RBFOX1: variants seen among roughly 807,000 people sequenced by gnomAD.
RBFOX1 encodes RNA binding fox-1 homolog 1, also known as RNA binding protein fox-1 homolog 1.
In RBFOX1, 8 loss-of-function variants were observed where a neutral mutation model predicts 57.7. The observed-to-expected ratio is 0.14, with a 90% confidence interval of 0.08 to 0.25. The LOEUF is 0.25. Among genes scored for constraint, RBFOX1 ranks in the 10% least tolerant of loss-of-function variants. RBFOX1 has a pLI of 1.00. For synonymous variants in RBFOX1, 326 were observed against 222.4 expected (o/e 1.47, Z -4.15); for missense variants, 611 against 548.5 (o/e 1.11, Z -1.14).
chr16:6,400,022 A>G (rs2093004838), intron 2 of RBFOX1, among the ~76,000 whole-genome samples: 1 of 152,208 alleles, frequency 6.6e-6, no homozygotes, highest in Non-Finnish European at 1.5e-5. Flanking sequence ...TGTGAGGATT[A>G]TGAGAACTGC....
At chr16:5,484,604 C>T (rs2069660560) in intron 2 of RBFOX1, among the ~76,000 whole-genome samples, 1 of 152,138 alleles carries the variant, frequency 6.6e-6, no homozygotes, top group African/African-American at 2.4e-5. Flanking sequence ...ATAGCGAGAC[C>T]TTGTCTGTAC....
intron 4 of RBFOX1, among the ~76,000 whole-genome samples, chr16:7,144,417 C>CTTCTTCTT (rs3046798): frequency 0.043 from 2,890 of 66,992 alleles, 350 homozygotes; most frequent in African/African-American, 0.17. Flanking sequence ...TTTCTTTCTT[C>CTTCTTCTT]TTTTTTTTTT....
At chr16:7,108,036 G>T (rs535894290) in intron 4 of RBFOX1, among the ~76,000 whole-genome samples, 19 of 152,084 alleles carry the variant, frequency 1.2e-4, no homozygotes, top group Non-Finnish European at 2.8e-4. Context: ...GGAGAGGGTA[G>T]AGAGGTGAAA....
chr16:6,493,230 A>G (rs973562003), intron 2 of RBFOX1, among the ~76,000 whole-genome samples: 1 of 152,126 alleles, frequency 6.6e-6, no homozygotes, highest in Non-Finnish European at 1.5e-5. Context: ...AAAACTGAAA[A>G]TCATTGGATT....
At chr16:6,505,554 T>C (rs963701392) in intron 2 of RBFOX1, among the ~76,000 whole-genome samples, 1 of 152,184 alleles carries the variant, frequency 6.6e-6, no homozygotes, top group Non-Finnish European at 1.5e-5. Context: ...CTAGTACAGC[T>C]AGACAGAGAT....
chr16:6,439,849 A>G (rs1367402218), intron 2 of RBFOX1, among the ~76,000 whole-genome samples: 7 of 152,188 alleles, frequency 4.6e-5, no homozygotes, highest in African/African-American at 1.7e-4. Context: ...GATGCAGCTC[A>G]GATGGGATGC....
At chr16:7,003,288 C>T (rs937382291) in intron 3 of RBFOX1, among the ~76,000 whole-genome samples, 9 of 151,690 alleles carry the variant, frequency 5.9e-5, no homozygotes, top group East Asian at 1.9e-4. Flanking sequence ...GTGAAACCCC[C>T]GTCTCTACTA....
At chr16:6,785,469 A>C (rs1283906803) in intron 3 of RBFOX1, among the ~76,000 whole-genome samples, 1 of 152,162 alleles carries the variant, frequency 6.6e-6, no homozygotes, top group Admixed American at 6.6e-5. Flanking sequence ...GACAATTGGC[A>C]ATAAAAGCCA....
chr16:5,740,375 G>T (rs1256218577), intron 3 of RBFOX1, among the ~76,000 whole-genome samples: 1 of 152,234 alleles, frequency 6.6e-6, no homozygotes, highest in Non-Finnish European at 1.5e-5. Flanking sequence ...GCTGGCCACA[G>T]TCCCAGCAAC....
intron 4 of RBFOX1, among the ~76,000 whole-genome samples, chr16:5,959,514 G>A (rs1020175892): frequency 6.6e-6 from 1 of 152,020 alleles, no homozygotes; most frequent in Non-Finnish European, 1.5e-5. Flanking sequence ...TGAGTGCATG[G>A]GGTAAGAAAA....
At chr16:6,759,314 C>T (rs989683321) in intron 3 of RBFOX1, among the ~76,000 whole-genome samples, 7 of 152,042 alleles carry the variant, frequency 4.6e-5, no homozygotes, top group Non-Finnish European at 7.4e-5. Context: ...CCACAGCTGG[C>T]TAATTTTTGT....
chr16:6,393,550 C>G (rs1352982460), intron 2 of RBFOX1, among the ~76,000 whole-genome samples: 5 of 152,128 alleles, frequency 3.3e-5, no homozygotes, highest in Non-Finnish European at 5.9e-5. Context: ...CTTGAAGACC[C>G]CCCACATGCC....
At chr16:6,216,303 C>G (rs1180583121) in intron 1 of RBFOX1, among the ~76,000 whole-genome samples, 1 of 152,120 alleles carries the variant, frequency 6.6e-6, no homozygotes, top group Non-Finnish European at 1.5e-5. Context: ...AAACCCCATA[C>G]AGATTTTAAC....
At chr16:6,456,790 A>G (rs1304435690) in intron 2 of RBFOX1, among the ~76,000 whole-genome samples, 2 of 152,182 alleles carry the variant, frequency 1.3e-5, no homozygotes, top group African/African-American at 4.8e-5. Flanking sequence ...TCAATTGTAC[A>G]TGAAGAATGA....
chr16:6,465,338 G>C (rs1375965498), intron 2 of RBFOX1, among the ~76,000 whole-genome samples: 2 of 152,178 alleles, frequency 1.3e-5, no homozygotes, highest in Non-Finnish European at 2.9e-5. Context: ...GTAAAGAATA[G>C]TACATACTCT....
intron 3 of RBFOX1, among the ~76,000 whole-genome samples, chr16:6,941,861 C>T (rs2078589170): frequency 6.6e-6 from 1 of 151,998 alleles, no homozygotes; most frequent in African/African-American, 2.4e-5. Flanking sequence ...ATCTGGAGTG[C>T]AGTAAGTGCA....
intron 4 of RBFOX1, among the ~76,000 whole-genome samples, chr16:7,191,136 C>G (rs529165490): frequency 3.3e-5 from 5 of 152,236 alleles, no homozygotes; most frequent in South Asian, 2.1e-4. Flanking sequence ...TAATTCTTCA[C>G]CATCATACTT....
At chr16:6,367,306 C>T (rs974048634) in intron 2 of RBFOX1, among the ~76,000 whole-genome samples, 2 of 151,832 alleles carry the variant, frequency 1.3e-5, no homozygotes, top group South Asian at 2.1e-4. Context: ...AGTCTCACAC[C>T]GTTGCCTGGG....
intron 3 of RBFOX1, among the ~76,000 whole-genome samples, chr16:5,631,954 A>G (rs2048523497): frequency 6.6e-6 from 1 of 152,202 alleles, no homozygotes; most frequent in Non-Finnish European, 1.5e-5. Context: ...CCAAGTAGGA[A>G]AGAAAGGTTA....
Sources: allele counts gnomAD v4.1 joint callset (sites outside exome capture counted in the v4.1 genomes callset), GRCh38; gene constraint gnomAD v4.1.1; transcripts MANE v1.5; gene names NCBI Gene and HGNC (gene_info 2026-07-23, HGNC 2026-07-21).